The following GPR158 variants were observed in gnomAD, a reference collection of about 807,000 sequenced individuals.
The protein encoded by GPR158 is G protein-coupled receptor 158, also known as metabotropic glycine receptor.
A neutral mutation model predicts 78.2 loss-of-function variants in GPR158; 30 were observed. The ratio of observed to expected loss-of-function variants is 0.38; its 90% CI spans 0.29 to 0.52. GPR158 has a LOEUF of 0.52. GPR158 is among the 20% of genes least tolerant of loss of function. GPR158 has a pLI of 0.83. For missense variants in GPR158, 1,463 were observed against 1,523.5 expected (o/e 0.96, Z 0.66); for synonymous variants, 581 against 591.1 (o/e 0.98, Z 0.25).
chr10:25,270,629 A>G (rs1031287245), intron 2 of GPR158, among the ~76,000 whole-genome samples: 8 of 152,144 alleles, frequency 5.3e-5, no homozygotes, highest in African/African-American at 1.7e-4. Flanking sequence ...CAGTGACGCT[A>G]TCTACCAACC....
At chr10:25,286,615 T>C (rs1335297769) in intron 2 of GPR158, among the ~76,000 whole-genome samples, 3 of 151,964 alleles carry the variant, frequency 2.0e-5, no homozygotes, top group Non-Finnish European at 4.4e-5. Context: ...TTTTTTTTTA[T>C]TTTTTGATGG....
chr10:25,411,671 C>T (rs1050322925), intron 3 of GPR158, among the ~76,000 whole-genome samples: 5 of 152,112 alleles, frequency 3.3e-5, no homozygotes, highest in South Asian at 2.1e-4. Context: ...TGCGGTGGCT[C>T]ACACCTATAA....
intron 2 of GPR158, among the ~76,000 whole-genome samples, chr10:25,275,470 G>A (rs182257001): frequency 6.7e-4 from 102 of 152,266 alleles, no homozygotes; most frequent in African/African-American, 2.4e-3. Context: ...TACAATAGCA[G>A]AAGAAATAAA....
intron 1 of GPR158, among the ~76,000 whole-genome samples, chr10:25,204,195 G>C (rs1852981577): frequency 6.6e-6 from 1 of 152,158 alleles, no homozygotes; most frequent in South Asian, 2.1e-4. Flanking sequence ...CATGTCATCT[G>C]CAAACAAAGA....
chr10:25,226,566 G>T (rs868812279), intron 2 of GPR158, among the ~76,000 whole-genome samples: 2 of 152,342 alleles, frequency 1.3e-5, no homozygotes, highest in African/African-American at 4.8e-5. Context: ...ACTGGAAACT[G>T]TAATAGTCTC....
intron 2 of GPR158, among the ~76,000 whole-genome samples, chr10:25,272,383 T>G (rs1854128960): frequency 6.6e-6 from 1 of 152,248 alleles, no homozygotes; most frequent in South Asian, 2.1e-4. Context: ...TATAATGTGC[T>G]CACTTCTCTG....
intron 5 of GPR158, among the ~76,000 whole-genome samples, chr10:25,492,074 C>T (rs774530695): frequency 1.3e-5 from 2 of 152,090 alleles, no homozygotes; most frequent in African/African-American, 2.4e-5. Flanking sequence ...TGCTTCCACT[C>T]ATGGTGGAAG....
intron 2 of GPR158, among the ~76,000 whole-genome samples, chr10:25,271,340 A>G (rs1319838596): frequency 6.6e-6 from 1 of 152,182 alleles, no homozygotes; most frequent in African/African-American, 2.4e-5. Flanking sequence ...TGTCTCTCTC[A>G]CTAAACTTTA....
chr10:25,300,963 G>T (rs1854584786), intron 2 of GPR158, among the ~76,000 whole-genome samples: 1 of 152,140 alleles, frequency 6.6e-6, no homozygotes, highest in Admixed American at 6.6e-5. Context: ...TTCATTGATT[G>T]ATGTTTTTTC....
intron 4 of GPR158, among the ~76,000 whole-genome samples, chr10:25,425,043 C>G (rs572677047): frequency 6.6e-6 from 1 of 151,976 alleles, no homozygotes; most frequent in Non-Finnish European, 1.5e-5. Context: ...ATTTGTTTGT[C>G]TCCTCTTTTA....
chr10:25,546,655 G>T (rs1481347085), intron 5 of GPR158, among the ~76,000 whole-genome samples: 3 of 152,130 alleles, frequency 2.0e-5, no homozygotes, highest in Non-Finnish European at 4.4e-5. Context: ...CTTTCTGTGT[G>T]CCAGGACGCT....
chr10:25,503,397 A>G (rs1334059956), intron 5 of GPR158, among the ~76,000 whole-genome samples: 2 of 152,156 alleles, frequency 1.3e-5, no homozygotes, highest in Non-Finnish European at 2.9e-5. Flanking sequence ...GTTTAAAAAA[A>G]AATCCCAACC....
At chr10:25,359,699 A>C (rs1319111317) in intron 2 of GPR158, among the ~76,000 whole-genome samples, 1 of 152,164 alleles carries the variant, frequency 6.6e-6, no homozygotes, top group Non-Finnish European at 1.5e-5. Context: ...TGCTATTGTG[A>C]ATAGTGCTGC....
At chr10:25,578,164 G>A (rs74126244) in intron 7 of GPR158, among the ~76,000 whole-genome samples, 2,030 of 152,210 alleles carry the variant, frequency 0.013, 41 homozygotes, top group African/African-American at 0.046. Context: ...TTCTGAGTAC[G>A]TTTAAATATA....
chr10:25,201,534 T>C (rs1005603144), intron 1 of GPR158, among the ~76,000 whole-genome samples: 5 of 152,170 alleles, frequency 3.3e-5, no homozygotes, highest in African/African-American at 1.2e-4. Context: ...TCTAGTACTA[T>C]GTTGAATAGC....
At chr10:25,381,289 A>T (rs1834151019) in intron 2 of GPR158, among the ~76,000 whole-genome samples, 1 of 152,194 alleles carries the variant, frequency 6.6e-6, no homozygotes. Flanking sequence ...ACATCAGATC[A>T]ATGGAGCAAG....
chr10:25,185,122 G>T (rs1317004877), intron 1 of GPR158, among the ~76,000 whole-genome samples: 2 of 152,178 alleles, frequency 1.3e-5, no homozygotes, highest in Non-Finnish European at 2.9e-5. Context: ...GGGCAAAACT[G>T]CCTCTGGTTG....
At chr10:25,431,304 A>G (rs1188821231) in intron 4 of GPR158, among the ~76,000 whole-genome samples, 2 of 145,058 alleles carry the variant, frequency 1.4e-5, no homozygotes, top group East Asian at 3.9e-4. Flanking sequence ...CAAAACCACA[A>G]TGAGATACCA....
intron 3 of GPR158, among the ~76,000 whole-genome samples, chr10:25,399,594 A>G (rs1834413616): frequency 6.6e-6 from 1 of 152,094 alleles, no homozygotes; most frequent in Non-Finnish European, 1.5e-5. Context: ...AAGGTTGGGG[A>G]CCACTGCAGT....
Sources: allele counts gnomAD v4.1 joint callset (sites outside exome capture counted in the v4.1 genomes callset), GRCh38; gene constraint gnomAD v4.1.1; transcripts MANE v1.5; gene names NCBI Gene and HGNC (gene_info 2026-07-23, HGNC 2026-07-21).